The following C14orf39 variants were observed in gnomAD, a reference collection of about 807,000 sequenced individuals.
C14orf39 encodes the protein protein SIX6OS1.
C14orf39 carries 66 observed loss-of-function variants against 85.6 expected under a neutral mutation model. The ratio of observed to expected loss-of-function variants is 0.77; its 90% CI spans 0.63 to 0.95. The LOEUF is 0.95. Among genes scored for constraint, C14orf39 ranks in the 40% least tolerant of loss-of-function variants. The pLI is 0.00. For synonymous variants in C14orf39, 242 were observed against 214.0 expected, an observed-to-expected ratio of 1.13 and a Z score of -1.14; for missense variants, 735 against 663.9, an observed-to-expected ratio of 1.11 and a Z score of -1.18.
intron 1 of C14orf39, chr14:60,512,571 C>G (rs112847717): frequency 1.3e-5 from 2 of 152,182 alleles, no homozygotes; most frequent in Admixed American, 1.3e-4. Context: ...GTAGAAATAA[C>G]TGGCATTTTA....
chr14:60,505,133 T>C (rs1379307696), intron 1 of C14orf39, among the ~76,000 whole-genome samples: 2 of 152,252 alleles, frequency 1.3e-5, no homozygotes, highest in East Asian at 3.9e-4. Context: ...CTACAAACAT[T>C]GCTCAAATGG....
At chr14:60,511,061 C>T in intron 1 of C14orf39, 6 of 1,610,528 alleles carry the variant, frequency 3.7e-6, no homozygotes, top group East Asian at 2.2e-5. Context: ...AGCTGTGACC[C>T]GTGTTCCCTT....
At chr14:60,513,970 T>G (rs10151839) in intron 1 of C14orf39, among the ~76,000 whole-genome samples, 132,570 of 152,170 alleles carry the variant, frequency 0.87, 58,225 homozygotes, top group Non-Finnish European at 0.92. Flanking sequence ...ACAATCTGGA[T>G]ATTTATTTAT....
chr14:60,450,035 T>C (rs1403753469), intron 16 of C14orf39, among the ~76,000 whole-genome samples: 1 of 152,142 alleles, frequency 6.6e-6, no homozygotes, highest in Non-Finnish European at 1.5e-5. Flanking sequence ...GATACTCAGG[T>C]AGTATGCTGT....
chr14:60,474,284 C>T (rs1477225963), intron 5 of C14orf39, among the ~76,000 whole-genome samples: 3 of 152,144 alleles, frequency 2.0e-5, no homozygotes, highest in Non-Finnish European at 2.9e-5. Context: ...TGTCTACCAG[C>T]TTAAGGAGAG....
rs138841379 is a variant in C14orf39, at chr14:60,471,433, T to C, written c.538A>G (p.Lys180Glu). Residue 180 changes from lysine (K) to glutamate (E), a missense_variant, in exon 7 of 18, where the codon AAA becomes GAA. Physicochemically the swap from Lys to Glu is moderately conservative, Grantham distance 56. Coordinates refer to ENST00000321731, the MANE Select transcript of C14orf39 (RefSeq NM_174978.3). ...TGTGGATACATGTTTAAAGTCCATT[T>C]AGTAAGTGATGGAAAGGGAGCAGGC... ...RVPAPFPSLT[K>E]WTLNIVNLRC... The C allele has an allele frequency of 5.0e-6, 8 of 1,597,754 alleles. No homozygotes were observed. The Admixed American group carries it at 8.6e-5, about 17-fold the overall frequency.
intron 11 of C14orf39, among the ~76,000 whole-genome samples, chr14:60,464,643 T>C (rs573698892): frequency 6.6e-6 from 1 of 152,278 alleles, no homozygotes; most frequent in South Asian, 2.1e-4. Context: ...CCCTGAACTC[T>C]ATTTCGTACA....
chr14:60,500,785 C>A (rs570613640), intron 1 of C14orf39, among the ~76,000 whole-genome samples: 36 of 151,928 alleles, frequency 2.4e-4, no homozygotes, highest in Middle Eastern at 6.8e-3. Flanking sequence ...AATAGTACTA[C>A]GAGAAACTCA....
chr14:60,458,446 T>C (rs1374630258), intron 14 of C14orf39, among the ~76,000 whole-genome samples: 1 of 151,894 alleles, frequency 6.6e-6, no homozygotes, highest in Admixed American at 6.6e-5. Context: ...TGCAAATAAC[T>C]AAATTTCACT....
chr14:60,457,413 A>C (rs957691157), intron 14 of C14orf39, among the ~76,000 whole-genome samples: 1 of 151,988 alleles, frequency 6.6e-6, no homozygotes, highest in Admixed American at 6.6e-5. Flanking sequence ...AAATTTCCAC[A>C]ATATGCTCTT....
intron 1 of C14orf39, among the ~76,000 whole-genome samples, chr14:60,508,559 C>CTTG (rs780035621): frequency 3.7e-4 from 56 of 152,164 alleles, no homozygotes; most frequent in Non-Finnish European, 5.9e-4. Flanking sequence ...AAACTGACCT[C>CTTG]TTCTACAGAT....
intron 5 of C14orf39, among the ~76,000 whole-genome samples, chr14:60,475,192 G>A (rs1171211956): frequency 1.3e-5 from 2 of 152,122 alleles, no homozygotes; most frequent in African/African-American, 2.4e-5. Context: ...TTGCATAGAG[G>A]TGTTTATAGT....
intron 15 of C14orf39, 92 bp from the exon 16 acceptor site, chr14:60,455,237 T>C: frequency 1.2e-6 from 1 of 861,350 alleles, no homozygotes; most frequent in Non-Finnish European, 1.7e-6. Context: ...GAGGTGAGAA[T>C]TAGCATAGTA....
chr14:60,483,414 G>C (rs74772631), intron 4 of C14orf39, among the ~76,000 whole-genome samples: 6,971 of 152,164 alleles, frequency 0.046, 248 homozygotes, highest in Non-Finnish European at 0.065. Flanking sequence ...AATGGAAATT[G>C]TTTCAAATAT....
intron 5 of C14orf39, among the ~76,000 whole-genome samples, chr14:60,473,359 G>A (rs1030186625): frequency 1.3e-5 from 2 of 152,146 alleles, no homozygotes; most frequent in Non-Finnish European, 2.9e-5. Flanking sequence ...TAGGTTGCCT[G>A]TTCACTCTGA....
intron 1 of C14orf39, among the ~76,000 whole-genome samples, chr14:60,503,929 T>C: frequency 6.6e-6 from 1 of 152,182 alleles, no homozygotes; most frequent in East Asian, 1.9e-4. Context: ...TGTTGATCAT[T>C]TGGGGCAAGA....
chr14:60,439,372 G>C lies in C14orf39; in HGVS notation c.1562-2325C>G, dbSNP rs536110959. Among the ~76,000 whole-genome samples, 7 of 152,118 alleles carry C rather than the reference G, an allele frequency of 4.6e-5. No individual in the cohort carries two copies. In the South Asian group the frequency reaches 1.2e-3, roughly 27 times the overall value. On this transcript the variant is annotated intron_variant, in intron 17 of 17. Coordinates refer to ENST00000321731, the MANE Select transcript of C14orf39 (RefSeq NM_174978.3). The stretch of plus-strand genomic sequence containing the variant: ...GCTGAAAAATGGAAAACACCAATTA[G>C]GATGATATTGTAACAGTCCAGGTGA...
At chr14:60,464,048 C>G (rs931251984) in intron 11 of C14orf39, among the ~76,000 whole-genome samples, 6 of 152,210 alleles carry the variant, frequency 3.9e-5, no homozygotes, top group Admixed American at 1.3e-4. Context: ...CCCAAATGAC[C>G]AAGTTCTGGC....
At chr14:60,473,167 A>AT (rs1373784696) in intron 5 of C14orf39, among the ~76,000 whole-genome samples, 1 of 152,098 alleles carries the variant, frequency 6.6e-6, no homozygotes, top group African/African-American at 2.4e-5. Flanking sequence ...GATGATGAGC[A>AT]TTTTTTCATG....
Sources: allele counts gnomAD v4.1 joint callset (sites outside exome capture counted in the v4.1 genomes callset), GRCh38; gene constraint gnomAD v4.1.1; transcripts MANE v1.5; gene names NCBI Gene and HGNC (gene_info 2026-07-23, HGNC 2026-07-21).